The following ACAT2 variants were observed in gnomAD, a reference collection of about 807,000 sequenced individuals.
ACAT2 encodes acetyl-CoA acetyltransferase 2.
A neutral mutation model predicts 37.1 loss-of-function variants in ACAT2; 26 were observed. The ratio of observed to expected loss-of-function variants is 0.70; its 90% CI spans 0.51 to 0.97. The LOEUF (loss-of-function observed/expected upper bound fraction) is 0.97, where lower values mean the gene tolerates loss of function less well. Ranked by LOEUF, ACAT2 falls within the 50% of genes least tolerant of loss-of-function variation. The pLI, the probability that ACAT2 is intolerant of heterozygous loss-of-function variation, is 0.00. For missense variants in ACAT2, 468 were observed against 489.0 expected (o/e 0.96, Z 0.40); for synonymous variants, 156 against 163.6 (o/e 0.95, Z 0.35).
Position 159,773,359 on chromosome 6 carries a change from A to G in ACAT2, c.491-1811A>G, listed in dbSNP as rs1356006850. Among the ~76,000 whole-genome samples, 6 of 152,304 alleles carry G rather than the reference A, an allele frequency of 3.9e-5. No homozygotes were observed. The South Asian group carries it at 1.0e-3, about 26-fold the overall frequency. On this transcript the variant is annotated intron_variant, in intron 4 of 8. Transcript: ENST00000367048. ...GAAACAATGACAAACCAGTAACAAC[A>G]AGCAGTCCTGACACCCAGATCTTCT...
At chr6:159,764,748 A>C (rs1780227514) in intron 2 of ACAT2, among the ~76,000 whole-genome samples, 2 of 152,162 alleles carry the variant, frequency 1.3e-5, no homozygotes, top group African/African-American at 4.8e-5. Context: ...ATGTCTACTA[A>C]GTTTAAGGCT....
chr6:159,772,822 AAAG>A (rs1292538461), intron 4 of ACAT2, among the ~76,000 whole-genome samples: 1 of 150,008 alleles, frequency 6.7e-6, no homozygotes, highest in African/African-American at 2.4e-5. Flanking sequence ...AAAAAAAAAA[AAAG>A]AAAGAAAAAC....
At chr6:159,769,154 A>G (rs1780298729) in intron 4 of ACAT2, among the ~76,000 whole-genome samples, 1 of 152,236 alleles carries the variant, frequency 6.6e-6, no homozygotes, top group Non-Finnish European at 1.5e-5. Flanking sequence ...TGCATGCAGC[A>G]ATGGCTCTGG....
intron 2 of ACAT2, among the ~76,000 whole-genome samples, chr6:159,764,521 A>G (rs1029620371): frequency 1.3e-5 from 2 of 152,074 alleles, no homozygotes; most frequent in African/African-American, 4.8e-5. Flanking sequence ...GTAGCCCACT[A>G]TAACCTCAAA....
chr6:159,765,676 C>G (rs2114976618), intron 2 of ACAT2, among the ~76,000 whole-genome samples: 1 of 56,140 alleles, frequency 1.8e-5, no homozygotes, highest in Non-Finnish European at 4.0e-5. Flanking sequence ...AAGTAATGCG[C>G]CCCCCTCCCC....
In ACAT2 at chr6:159,778,947, C is replaced by G. The variant is rs1780502817; in HGVS notation, c.*118C>G. On this transcript the variant is annotated 3_prime_UTR_variant, in exon 9 of 9. Coordinates refer to ENST00000367048, the MANE Select transcript of ACAT2 (RefSeq NM_005891.3). ...AAACCATTTCCTACATCACAAAAAC[C>G]CAAGTTTACAGCTTGTACTTTACTT... 6.4e-7 allele frequency: 1 copy of G among 1,559,286 alleles called. No homozygotes were observed. Among genetic ancestry groups the G allele is most frequent in the Non-Finnish European group, 8.7e-7 (1 of 1,146,956 alleles).
At chr6:159,778,131 C>G in intron 7 of ACAT2, 39 bp from the exon 8 acceptor site, 1 of 1,414,914 alleles carries the variant, frequency 7.1e-7, no homozygotes, top group Non-Finnish European at 9.9e-7. Context: ...AGCCTTTCCA[C>G]CCAAGTTTAG....
chr6:159,763,031 C>T lies in ACAT2; in HGVS notation c.168C>T (p.Ile56=). ...TVAPEDVSEV[I]FGHVLAAGCG... is the part of the protein sequence containing the mutation. ...CTCCGGAAGATGTGTCTGAGGTCAT[C>T]TTTGGACATGTCTTGGCAGCAGGTA... Residue 56 remains isoleucine (I), a synonymous_variant, in exon 2 of 9, where the codon ATC becomes ATT. Coordinates refer to ENST00000367048, the MANE Select transcript of ACAT2 (RefSeq NM_005891.3). 1 of 1,613,004 alleles carries T rather than the reference C, an allele frequency of 6.2e-7. No homozygotes were observed. Among genetic ancestry groups the T allele is most frequent in the East Asian group, 2.2e-5 (1 of 44,886 alleles).
Position 159,762,130 on chromosome 6 carries a change from C to A in ACAT2, c.43C>A (p.Arg15=), listed in dbSNP as rs147917111. ...TCCTGTGGTCATCGTCTCGGCGGCG[C>A]GGACCATCATAGGTGAGTGGCCGGC... The part of the protein sequence containing the change: ...SDPVVIVSAA[R]TIIGSFNGAL... Residue 15 remains arginine, a synonymous_variant, in exon 1 of 9, where the codon CGG becomes AGG. Transcript: ENST00000367048. 68 of 1,612,276 alleles carry A rather than the reference C, an allele frequency of 4.2e-5. No individual in the cohort carries two copies. The highest frequency in any genetic ancestry group is 5.4e-5 in the Non-Finnish European group (64 of 1,179,322).
intron 4 of ACAT2, among the ~76,000 whole-genome samples, chr6:159,770,566 C>T (rs906406704): frequency 3.9e-5 from 6 of 151,942 alleles, no homozygotes; most frequent in African/African-American, 1.5e-4. Flanking sequence ...AATCCCAGCA[C>T]CTTGGGAGGC....
chr6:159,763,325 G>A (rs1780189965), intron 2 of ACAT2, among the ~76,000 whole-genome samples: 1 of 152,214 alleles, frequency 6.6e-6, no homozygotes, highest in African/African-American at 2.4e-5. Flanking sequence ...GGCGGAGGAG[G>A]AAGGATCACT....
At chr6:159,769,281 A>G (rs1321565703) in intron 4 of ACAT2, among the ~76,000 whole-genome samples, 2 of 152,230 alleles carry the variant, frequency 1.3e-5, no homozygotes, top group East Asian at 3.8e-4. Flanking sequence ...ATGGGAAGCA[A>G]TGAGAAGCTC....
chr6:159,776,704 A>T lies in ACAT2; in HGVS notation c.757+432A>T, dbSNP rs1355939407. On this transcript the variant is annotated intron_variant, in intron 6 of 8. Transcript: ENST00000367048. ...TTATCTACCTTTGTATTTTTCCAGT[A>T]CCAGAAACTCCCAATACCTCCTTGT... is the stretch of plus-strand genomic sequence containing the variant. 2.6e-5 allele frequency among the ~76,000 whole-genome samples: 4 copies of T among 152,192 alleles called. No homozygotes were observed. In the East Asian group the frequency reaches 7.7e-4, roughly 29 times the overall value.
In ACAT2 at chr6:159,776,380, GACTC is replaced by G. The variant is rs1254430464; in HGVS notation, c.757+113_757+116del. The G allele has an allele frequency of 7.6e-6, 10 of 1,318,574 alleles. No homozygotes were observed. In the East Asian group the frequency reaches 2.4e-4, roughly 32 times the overall value. The allele number at this position is 1,318,574 out of a possible 1,614,324, so 81.7% of individuals were successfully genotyped here. ...CAAAAGTACTATTTTTTGGGACAGG[GACTC>G]ACTCTGCCAGCCAGGTTCGTGTGCA... is the stretch of plus-strand genomic sequence containing the variant. On this transcript the variant is annotated intron_variant, in intron 6 of 8. Transcript: ENST00000367048.
In ACAT2 at chr6:159,762,072, C is replaced by T; in HGVS notation, c.-16C>T. ...CTTGCAGGCAGCGCAGGGCAGACGG[C>T]GGCAGGAGAAGCAAGATGAATGCAG... is the stretch of plus-strand genomic sequence containing the variant. On this transcript the variant is annotated 5_prime_UTR_variant, in exon 1 of 9. Transcript: ENST00000367048. The T allele has an allele frequency of 4.3e-6, 7 of 1,612,326 alleles. No individual in the cohort carries two copies. The highest frequency in any genetic ancestry group is 5.9e-6 in the Non-Finnish European group (7 of 1,179,182).
intron 4 of ACAT2, among the ~76,000 whole-genome samples, chr6:159,773,864 A>G (rs544025411): frequency 2.0e-5 from 3 of 152,262 alleles, no homozygotes; most frequent in Non-Finnish European, 4.4e-5. Context: ...TAAAATGCCA[A>G]TTAATATCTT....
chr6:159,762,236 T>A, intron 1 of ACAT2, 94 bp downstream of exon 1: 1 of 1,436,984 alleles, frequency 7.0e-7, no homozygotes, highest in Non-Finnish European at 9.3e-7. Flanking sequence ...GGGGCGTATG[T>A]GGAGGAAGCC....
intron 4 of ACAT2, among the ~76,000 whole-genome samples, chr6:159,770,069 A>G (rs1347312529): frequency 6.6e-6 from 1 of 152,220 alleles, no homozygotes; most frequent in Non-Finnish European, 1.5e-5. Flanking sequence ...GGTAGGGCCA[A>G]AGCCATAGAG....
At chr6:159,775,575 G>A in intron 5 of ACAT2, 1 of 360,932 alleles carries the variant, frequency 2.8e-6, no homozygotes, top group African/African-American at 2.1e-5. Context: ...TTCATGAGAA[G>A]CTGGAGCACT....
Sources: allele counts gnomAD v4.1 joint callset (sites outside exome capture counted in the v4.1 genomes callset), GRCh38; gene constraint gnomAD v4.1.1; transcripts MANE v1.5; gene names NCBI Gene and HGNC (gene_info 2026-07-23, HGNC 2026-07-21).